COL24A1: variants seen among roughly 807,000 people sequenced by gnomAD.
The protein encoded by COL24A1 is collagen type XXIV alpha 1 chain.
COL24A1 carries 224 observed loss-of-function variants against 253.9 expected under a neutral mutation model. The ratio of observed to expected loss-of-function variants is 0.88; its 90% confidence interval spans 0.79 to 0.99. COL24A1 has a LOEUF of 0.99. COL24A1 is among the 50% of genes least tolerant of loss of function. The pLI is 0.00. For missense variants in COL24A1, 2,131 were observed against 2,068.5 expected (o/e 1.03, Z -0.59); for synonymous variants, 685 against 673.7 (o/e 1.02, Z -0.26).
chr1:86,082,892 GC>G lies in COL24A1; in HGVS notation c.1707+6281del, dbSNP rs531956474. Among the ~76,000 whole-genome samples the G allele has an allele frequency of 3.7e-3, 547 of 149,020 alleles. 5 individuals are homozygous for G. Among genetic ancestry groups the G allele is most frequent in the African/African-American group, 0.013 (527 of 41,216 alleles). ...AATCTGAAAATCTGAAATCTTAAAT[GC>G]TCCCAGTGAGCATTTCCTTTGAGCA... On this transcript the variant is annotated intron_variant, in intron 7 of 59. Transcript: ENST00000370571.
intron 39 of COL24A1, among the ~76,000 whole-genome samples, chr1:85,846,397 T>C (rs1306839825): frequency 6.6e-6 from 1 of 151,914 alleles, no homozygotes; most frequent in African/African-American, 2.4e-5. Flanking sequence ...AGTTTGACTA[T>C]ATAAAAATTA....
intron 1 of COL24A1, among the ~76,000 whole-genome samples, chr1:86,147,714 G>C (rs541917304): frequency 1.3e-5 from 2 of 152,170 alleles, no homozygotes; most frequent in African/African-American, 4.8e-5. Context: ...CAGATTGTAC[G>C]TGTGCCAAAC....
At chr1:86,069,264 C>T (rs1178090056) in intron 7 of COL24A1, among the ~76,000 whole-genome samples, 13 of 151,922 alleles carry the variant, frequency 8.6e-5, no homozygotes, top group African/African-American at 2.4e-4. Flanking sequence ...CAGCATTCAA[C>T]ACAAGCTGAT....
chr1:85,822,733 A>G (rs1406154366), intron 45 of COL24A1, among the ~76,000 whole-genome samples: 1 of 152,118 alleles, frequency 6.6e-6, no homozygotes, highest in Non-Finnish European at 1.5e-5. Context: ...TCCTTGTAAA[A>G]TCCAGTTTTA....
intron 53 of COL24A1, among the ~76,000 whole-genome samples, chr1:85,771,626 A>G (rs1667967277): frequency 6.6e-6 from 1 of 152,050 alleles, no homozygotes; most frequent in African/African-American, 2.4e-5. Flanking sequence ...CAGTAATGGG[A>G]TTGCTGGGTC....
chr1:85,783,985 C>T lies in COL24A1; in HGVS notation c.4221+128G>A, dbSNP rs931654123. 6 of 632,248 alleles carry T rather than the reference C, an allele frequency of 9.5e-6. No homozygotes were observed. The Admixed American group carries it at 1.3e-4, about 14-fold the overall frequency. 39.2% of individuals were successfully genotyped at this position (632,248 alleles called of 1,614,324 possible). A position where few individuals can be genotyped will look rare whatever the true frequency, so the allele number is the denominator to read the frequency against. ...TTTAAAAACAGATGTATTCGAAACT[C>T]AAATATATAAATATGTACCAACTGA... On this transcript the variant is annotated intron_variant, in intron 50 of 59. Coordinates refer to ENST00000370571, the MANE Select transcript of COL24A1 (RefSeq NM_152890.7).
intron 23 of COL24A1, among the ~76,000 whole-genome samples, chr1:85,963,620 C>T (rs1006626382): frequency 5.3e-5 from 8 of 152,046 alleles, no homozygotes; most frequent in African/African-American, 1.9e-4. Flanking sequence ...CCTTAAGCAA[C>T]TCCCCCAGGC....
chr1:85,792,446 G>A (rs1486107853), intron 47 of COL24A1, among the ~76,000 whole-genome samples: 1 of 150,506 alleles, frequency 6.6e-6, no homozygotes, highest in Non-Finnish European at 1.5e-5. Flanking sequence ...CAGCACTTTG[G>A]TAGAGGCTAA....
Position 85,889,913 on chromosome 1 carries a change from C to CT in COL24A1, c.2923-301dup, listed in dbSNP as rs754975632. On this transcript the variant is annotated intron_variant, in intron 31 of 59. Coordinates refer to ENST00000370571, the MANE Select transcript of COL24A1 (RefSeq NM_152890.7). Reference sequence around the variant, plus strand: ...ATTAAATACTAGCTCCCCATCACCCCTTTTTTTCTATTTCCTGGCAACCAC... The same window carrying CT: ...ATTAAATACTAGCTCCCCATCACCCCTTTTTTTTCTATTTCCTGGCAACCAC... Among the ~76,000 whole-genome samples the CT allele has an allele frequency of 4.5e-4, 68 of 152,160 alleles. 1 individual carries two copies. Among genetic ancestry groups the CT allele is most frequent in the South Asian group, 1.0e-3 (5 of 4,822 alleles).
intron 12 of COL24A1, among the ~76,000 whole-genome samples, chr1:86,043,489 T>C (rs1199104514): frequency 2.0e-5 from 3 of 152,162 alleles, no homozygotes; most frequent in African/African-American, 7.2e-5. Flanking sequence ...ACAGCAGCAC[T>C]ACAATGAAAC....
At chr1:86,052,280 T>G (rs1480811625) in intron 10 of COL24A1, among the ~76,000 whole-genome samples, 5 of 152,138 alleles carry the variant, frequency 3.3e-5, no homozygotes, top group Admixed American at 2.6e-4. Context: ...TAATTGTTAT[T>G]TCTATACCCA....
In COL24A1 at chr1:85,830,896, G is replaced by A. The variant is rs186226928; in HGVS notation, c.3682-7158C>T. The stretch of plus-strand genomic sequence containing the variant: ...ATCACCTGTCTTCTGCGTTGCTCAC[G>A]CTGGGAGCTGTAGACCGGAGCTGTT... On this transcript the variant is annotated intron_variant, in intron 43 of 59. Transcript: ENST00000370571. Among the ~76,000 whole-genome samples the A allele has an allele frequency of 4.6e-5, 7 of 152,252 alleles. 1 individual carries two copies. Among genetic ancestry groups the A allele is most frequent in the South Asian group, 4.1e-4 (2 of 4,824 alleles).
At chr1:85,762,093 T>C (rs1666902841) in intron 53 of COL24A1, among the ~76,000 whole-genome samples, 1 of 152,182 alleles carries the variant, frequency 6.6e-6, no homozygotes, top group South Asian at 2.1e-4. Context: ...AAAAGGTGTA[T>C]CGCAAAATGT....
intron 34 of COL24A1, 152 bp from the exon 35 acceptor site, chr1:85,874,854 T>A: frequency 1.4e-6 from 1 of 707,904 alleles, no homozygotes; most frequent in Middle Eastern, 4.1e-4. Flanking sequence ...AAACAGCAGG[T>A]GAGCAGCTGG....
At chr1:85,943,825 T>C (rs149392891) in intron 24 of COL24A1, among the ~76,000 whole-genome samples, 1 of 152,338 alleles carries the variant, frequency 6.6e-6, no homozygotes, top group African/African-American at 2.4e-5. Flanking sequence ...CCTTCACACA[T>C]AGCACCAATT....
At chr1:85,742,204 C>G (rs1358006157) in intron 57 of COL24A1, among the ~76,000 whole-genome samples, 12 of 149,946 alleles carry the variant, frequency 8.0e-5, no homozygotes, top group Non-Finnish European at 1.3e-4. Context: ...GTGATCTCAG[C>G]TCACTGCAAT....
At chr1:85,955,728 T>C (rs891292727) in intron 24 of COL24A1, among the ~76,000 whole-genome samples, 1 of 152,228 alleles carries the variant, frequency 6.6e-6, no homozygotes, top group African/African-American at 2.4e-5. Flanking sequence ...AAAACCAACA[T>C]GTATCAAGCT....
At chr1:85,944,547 G>C (rs1321652187) in intron 24 of COL24A1, among the ~76,000 whole-genome samples, 2 of 151,846 alleles carry the variant, frequency 1.3e-5, no homozygotes, top group Non-Finnish European at 2.9e-5. Flanking sequence ...TCCCTCATTA[G>C]TACTTCACAG....
chr1:86,092,336 A>G lies in COL24A1; in HGVS notation c.1600-16T>C, dbSNP rs1242532097. The G allele has an allele frequency of 1.3e-6, 2 of 1,592,088 alleles. No individual in the cohort carries two copies. Among genetic ancestry groups the G allele is most frequent in the South Asian group, 2.2e-5 (2 of 89,094 alleles). Reference sequence around the variant, plus strand: ...CTTTGGGGCCCTAAATAAAATAGTTATAAAACAGTTGGTGAAGCATAAGTT... The same window carrying G: ...CTTTGGGGCCCTAAATAAAATAGTTGTAAAACAGTTGGTGAAGCATAAGTT... On this transcript the variant is annotated splice_polypyrimidine_tract_variant and intron_variant, in intron 5 of 59. Transcript: ENST00000370571.
Sources: allele counts gnomAD v4.1 joint callset (sites outside exome capture counted in the v4.1 genomes callset), GRCh38; gene constraint gnomAD v4.1.1; transcripts MANE v1.5; gene names NCBI Gene and HGNC (gene_info 2026-07-23, HGNC 2026-07-21).